The following PHACTR1 variants were observed in gnomAD, a reference collection of about 807,000 sequenced individuals.
PHACTR1 encodes the protein RPEL repeat containing 1.
PHACTR1 carries 16 observed loss-of-function variants against 69.2 expected under a neutral mutation model. That is an observed-to-expected ratio of 0.23 (90% CI 0.16 to 0.35). The LOEUF is 0.35. Ranked by LOEUF, PHACTR1 falls within the 10% of genes least tolerant of loss-of-function variation. The pLI, the probability that PHACTR1 is intolerant of heterozygous loss-of-function variation, is 1.00. For missense variants in PHACTR1, 510 were observed against 734.7 expected (o/e 0.69, Z 3.54); for synonymous variants, 312 against 284.5 (o/e 1.10, Z -0.97).
intron 4 of PHACTR1, among the ~76,000 whole-genome samples, chr6:12,909,788 C>T (rs1786167206): frequency 6.6e-6 from 1 of 152,208 alleles, no homozygotes; most frequent in Non-Finnish European, 1.5e-5. Context: ...GCAGCATTCC[C>T]TTGGACCTCC....
intron 5 of PHACTR1, among the ~76,000 whole-genome samples, chr6:13,159,121 C>A (rs1022650305): frequency 1.3e-5 from 2 of 152,154 alleles, no homozygotes; most frequent in Non-Finnish European, 1.5e-5. Flanking sequence ...GATTTGCCCC[C>A]CAGCACACCC....
At chr6:12,876,856 T>C (rs1354947704) in intron 4 of PHACTR1, among the ~76,000 whole-genome samples, 2 of 152,158 alleles carry the variant, frequency 1.3e-5, no homozygotes, top group Non-Finnish European at 2.9e-5. Context: ...GGAAAGCTGG[T>C]GGCGTAATTC....
intron 4 of PHACTR1, among the ~76,000 whole-genome samples, chr6:12,798,912 A>C (rs552844420): frequency 5.9e-5 from 9 of 152,314 alleles, no homozygotes; most frequent in African/African-American, 1.9e-4. Context: ...ATTATAGTTG[A>C]TTGTTTTTCT....
chr6:13,286,021 A>G (rs1346348590), intron 13 of PHACTR1, 125 bp from the exon 14 acceptor site: 1 of 736,928 alleles, frequency 1.4e-6, no homozygotes, highest in Non-Finnish European at 2.1e-6. Context: ...TCCCAATGAA[A>G]GAATCCATCT....
chr6:13,085,975 T>A (rs1188251984), intron 5 of PHACTR1, among the ~76,000 whole-genome samples: 2 of 145,080 alleles, frequency 1.4e-5, no homozygotes, highest in Non-Finnish European at 3.0e-5. Context: ...AAAAACAATT[T>A]AAAAAATAAG....
chr6:13,091,101 C>T (rs1014081068), intron 5 of PHACTR1, among the ~76,000 whole-genome samples: 5 of 152,040 alleles, frequency 3.3e-5, no homozygotes, highest in Non-Finnish European at 5.9e-5. Flanking sequence ...ACCTCTGCCT[C>T]CTGGGTTCAA....
intron 4 of PHACTR1, among the ~76,000 whole-genome samples, chr6:12,927,472 C>T (rs769364632): frequency 6.6e-6 from 1 of 152,168 alleles, no homozygotes; most frequent in Non-Finnish European, 1.5e-5. Flanking sequence ...ACTCTAAGTG[C>T]TTTGCATGGA....
chr6:13,105,570 C>A (rs9296610), intron 5 of PHACTR1, among the ~76,000 whole-genome samples: 1 of 152,080 alleles, frequency 6.6e-6, no homozygotes. Context: ...AGTTGTAAGG[C>A]ATGGTTGTGG....
intron 6 of PHACTR1, among the ~76,000 whole-genome samples, chr6:13,171,140 C>T (rs1399019397): frequency 1.3e-5 from 2 of 151,318 alleles, no homozygotes; most frequent in Non-Finnish European, 2.9e-5. Context: ...TCCTTTCATG[C>T]TTTTCTCAAG....
At chr6:13,227,618 G>A (rs778699173) in intron 8 of PHACTR1, among the ~76,000 whole-genome samples, 198 bp from the exon 9 acceptor site, 4 of 152,088 alleles carry the variant, frequency 2.6e-5, no homozygotes, top group Non-Finnish European at 5.9e-5. Context: ...AGGAAACCGT[G>A]CCATCTTAGC....
At chr6:12,748,500 A>G (rs756940243) in intron 3 of PHACTR1, among the ~76,000 whole-genome samples, 9 of 152,216 alleles carry the variant, frequency 5.9e-5, no homozygotes, top group Non-Finnish European at 1.2e-4. Flanking sequence ...CTAAGTTCCT[A>G]CAGCTGCAGA....
At chr6:13,211,363 T>C (rs1766818643) in intron 8 of PHACTR1, among the ~76,000 whole-genome samples, 1 of 152,102 alleles carries the variant, frequency 6.6e-6, no homozygotes, top group Non-Finnish European at 1.5e-5. Flanking sequence ...TTATTTTTAA[T>C]ATCTGCAGTA....
intron 5 of PHACTR1, among the ~76,000 whole-genome samples, chr6:13,063,734 T>C (rs1217775856): frequency 6.6e-6 from 1 of 151,798 alleles, no homozygotes; most frequent in African/African-American, 2.4e-5. Context: ...GAGTCATGTT[T>C]GCACTACTGT....
intron 10 of PHACTR1, chr6:13,267,372 G>C (rs1408629808): frequency 6.6e-6 from 1 of 152,242 alleles, no homozygotes; most frequent in African/African-American, 2.4e-5. Context: ...GAACTCGAGA[G>C]GGGAGGACTC....
chr6:12,727,867 C>T (rs1156902328), intron 3 of PHACTR1, among the ~76,000 whole-genome samples: 1 of 152,198 alleles, frequency 6.6e-6, no homozygotes, highest in Non-Finnish European at 1.5e-5. Flanking sequence ...TGGACATACA[C>T]ACTTATGCAA....
chr6:12,722,553 G>A (rs1025418296), intron 3 of PHACTR1, among the ~76,000 whole-genome samples: 1 of 152,102 alleles, frequency 6.6e-6, no homozygotes, highest in Non-Finnish European at 1.5e-5. Context: ...AATCCAGGAG[G>A]GTGAGAAGAA....
At chr6:13,233,838 G>A (rs1056900471) in intron 10 of PHACTR1, among the ~76,000 whole-genome samples, 2 of 152,200 alleles carry the variant, frequency 1.3e-5, no homozygotes, top group African/African-American at 4.8e-5. Flanking sequence ...CATTGAGATG[G>A]CCTGCATCCT....
At chr6:13,215,384 ACTAAAAG>A (rs1767513472) in intron 8 of PHACTR1, among the ~76,000 whole-genome samples, 1 of 152,212 alleles carries the variant, frequency 6.6e-6, no homozygotes, top group African/African-American at 2.4e-5. Context: ...CTGCATTTAA[ACTAAAAG>A]CTAAAAGAGA....
intron 4 of PHACTR1, among the ~76,000 whole-genome samples, chr6:12,887,221 C>T (rs1783729514): frequency 6.6e-6 from 1 of 152,200 alleles, no homozygotes; most frequent in African/African-American, 2.4e-5. Flanking sequence ...TCCAATTGTT[C>T]TTCTCCTCGG....
Sources: allele counts gnomAD v4.1 joint callset (sites outside exome capture counted in the v4.1 genomes callset), GRCh38; gene constraint gnomAD v4.1.1; transcripts MANE v1.5; gene names NCBI Gene and HGNC (gene_info 2026-07-23, HGNC 2026-07-21).